Variants in DOCK9 observed in about 807,000 individuals in gnomAD.
DOCK9 encodes dedicator of cytokinesis 9.
A neutral mutation model predicts 263.3 loss-of-function variants in DOCK9; 89 were observed. That is an observed-to-expected ratio of 0.34 (90% CI 0.28 to 0.40). The LOEUF (loss-of-function observed/expected upper bound fraction) is 0.40. DOCK9 is among the 10% of genes least tolerant of loss of function. The pLI is 1.00. For missense variants in DOCK9, 2,140 were observed against 2,603.4 expected (o/e 0.82, Z 3.87); for synonymous variants, 976 against 973.1 (o/e 1.00, Z -0.06).
intron 15 of DOCK9, among the ~76,000 whole-genome samples, chr13:98,895,467 T>C (rs533980352): frequency 6.6e-6 from 1 of 152,098 alleles, no homozygotes; most frequent in South Asian, 2.1e-4. Context: ...CAGTTTGAGA[T>C]CAGCCTGGCC....
At chr13:99,014,991 C>T (rs1427225488) in intron 1 of DOCK9, among the ~76,000 whole-genome samples, 4 of 152,068 alleles carry the variant, frequency 2.6e-5, no homozygotes, top group African/African-American at 9.7e-5. Context: ...CTTTCATGCT[C>T]CCTTTAAATT....
chr13:98,860,646 A>T, intron 32 of DOCK9, 124 bp from the exon 33 acceptor site: 6 of 608,644 alleles, frequency 9.9e-6, no homozygotes, highest in Non-Finnish European at 1.4e-5. Context: ...GCCTGCCTGC[A>T]TGGGAGGAGT....
Position 98,845,909 on chromosome 13 carries a change from T to C in DOCK9, c.4198+15A>G, listed in dbSNP as rs1394827165. The C allele has an allele frequency of 1.2e-6, 2 of 1,612,540 alleles. No individual in the cohort carries two copies. The highest frequency in any genetic ancestry group is 1.7e-5 in the Admixed American group (1 of 59,896). ...GAGATGGCTGGCTGTTACGATGGCA[T>C]GTCATGGGACTTACTGTGGTTAAAA... On this transcript the variant is annotated intron_variant, in intron 38 of 52. Transcript: ENST00000682017.
rs1427964531 is a variant in DOCK9, at chr13:98,831,961, T to C, written c.4315-175A>G. On this transcript the variant is annotated intron_variant, in intron 39 of 52. Coordinates refer to ENST00000682017, the MANE Select transcript of DOCK9 (RefSeq NM_001366683.2). ...AATTCTTTTGTAGAACAAGCAAATCTATCAATACATTTATGTTTTGGGGAT... is the reference window on the plus strand; with the variant it reads ...AATTCTTTTGTAGAACAAGCAAATCCATCAATACATTTATGTTTTGGGGAT... The C allele has an allele frequency of 6.9e-6, 5 of 727,510 alleles. No individual in the cohort carries two copies. The Admixed American group carries it at 9.1e-5, about 13-fold the overall frequency. The allele number at this position is 727,510 out of a possible 1,614,324, so 45.1% of individuals were successfully genotyped here. A position where few individuals can be genotyped will look rare whatever the true frequency, so the allele number is the denominator to read the frequency against.
rs1283784134 is a variant in DOCK9 at position 98,800,300 on chromosome 13, G to A, written c.5904C>T (p.Ser1968=). ...MIKLQLKLQG[S]VSVQVNAGPL... ...GTGCCTGGCTCACCTGAACACTCAC[G>A]CTGCCCTGGAGTTTGAGCTGCAGTT... The change falls in exon 50 of 53, where the codon AGC becomes AGT. Residue 1968 remains serine, a synonymous_variant. Transcript: ENST00000682017. 13 of 1,602,896 alleles carry A rather than the reference G, an allele frequency of 8.1e-6. No individual in the cohort carries two copies. Among genetic ancestry groups the A allele is most frequent in the Admixed American group, 3.4e-5 (2 of 58,286 alleles).
intron 35 of DOCK9, among the ~76,000 whole-genome samples, chr13:98,851,230 T>A (rs2093559766): frequency 6.6e-6 from 1 of 152,246 alleles, no homozygotes; most frequent in Non-Finnish European, 1.5e-5. Context: ...TTCTCCCATT[T>A]ACCAGTCTGA....
intron 2 of DOCK9, among the ~76,000 whole-genome samples, chr13:98,935,205 CAT>C (rs1025545273): frequency 4.5e-4 from 68 of 152,172 alleles, no homozygotes; most frequent in Admixed American, 4.0e-3. Flanking sequence ...TGAAGAGAAA[CAT>C]GGAGATAAAC....
At position 99,024,669 on chromosome 13, in the gene DOCK9, C is replaced by T. The variant is rs189429747; in HGVS notation, c.129+61554G>A. On this transcript the variant is annotated intron_variant, in intron 1 of 32. Coordinates refer to the DOCK9 transcript ENST00000427887. ...AACATGAAGAAATATTCCTTGAGGG[C>T]GAAGAGGAAAACATAAAACACACAT... Among the ~76,000 whole-genome samples the T allele has an allele frequency of 1.8e-3, 279 of 152,090 alleles. 5 individuals carry two copies. The highest frequency in any genetic ancestry group is 6.8e-3 in the Middle Eastern group (2 of 294).
At chr13:99,034,383 G>A (rs1595951216) in intron 1 of DOCK9, among the ~76,000 whole-genome samples, 1 of 147,482 alleles carries the variant, frequency 6.8e-6, no homozygotes. Context: ...TTGATATACT[G>A]TGTTTACTAA....
rs1198056545 is a variant in DOCK9 at position 98,860,522 on chromosome 13, T to A, written c.3580A>T (p.Thr1194Ser). 3.4e-5 allele frequency: 53 copies of A among 1,561,706 alleles called. No homozygotes were observed. Among genetic ancestry groups the A allele is most frequent in the Non-Finnish European group, 4.4e-5 (51 of 1,151,964 alleles). Residue 1194 changes from threonine to serine, a missense_variant and splice_region_variant, in exon 33 of 53, where the codon ACT becomes TCT. This residue lies in a region of DOCK9 where 1,521 missense variants were observed against 1,741.7 expected (regional missense o/e 0.87). Coordinates refer to ENST00000682017, the MANE Select transcript of DOCK9 (RefSeq NM_001366683.2). ...VSPFPVNAGMTVKDESLALPA... is the reference protein window; with the variant it reads ...VSPFPVNAGMSVKDESLALPA... Reference sequence around the variant, plus strand: ...AGAGCCAGGGATTCATCCTTCACAGTCTGTCAAGGAGAGGAAAGCAGAAAC... The same window carrying A: ...AGAGCCAGGGATTCATCCTTCACAGACTGTCAAGGAGAGGAAAGCAGAAAC...
chr13:98,912,282 C>T (rs1441449328), intron 9 of DOCK9, among the ~76,000 whole-genome samples: 3 of 152,148 alleles, frequency 2.0e-5, no homozygotes, highest in Non-Finnish European at 4.4e-5. Context: ...AACTAATCTA[C>T]GGTGATGGAG....
Position 98,863,079 on chromosome 13 carries a change from A to G in DOCK9, c.3519T>C (p.Ile1173=), listed in dbSNP as rs1455867560. Residue 1173 remains isoleucine, a synonymous_variant, in exon 32 of 53, where the codon ATT becomes ATC. Transcript: ENST00000682017. The part of the protein sequence containing the change: ...TLYLPLFGLL[I]ENVQRINVRD... ...TCACATTGATCCGCTGGACGTTTTC[A>G]ATCAGCAGACCAAACAGAGGCAGGT... is the stretch of plus-strand genomic sequence containing the variant. The G allele has an allele frequency of 1.5e-5, 24 of 1,612,002 alleles. No homozygotes were observed. The highest frequency in any genetic ancestry group is 2.0e-5 in the Non-Finnish European group (24 of 1,179,220).
At chr13:98,889,633 C>G (rs2046315371) in intron 15 of DOCK9, among the ~76,000 whole-genome samples, 1 of 152,230 alleles carries the variant, frequency 6.6e-6, no homozygotes, top group Non-Finnish European at 1.5e-5. Context: ...CTAGTCTGCT[C>G]TTGCTCATAG....
Position 98,797,229 on chromosome 13 carries a change from T to G in DOCK9, c.6042A>C (p.Gln2014His). Residue 2014 changes from glutamine (Q) to histidine (H), a missense_variant, in exon 52 of 53, where the codon CAA becomes CAC. Gln to His is a conservative substitution (Grantham distance 24, BLOSUM62 0). Coordinates refer to ENST00000682017, the MANE Select transcript of DOCK9 (RefSeq NM_001366683.2). ...VFRQFVEACG[Q>H]ALAVNERLIK... Reference sequence around the variant, plus strand: ...TCAGACGTTCGTTTACCGCTAAGGCTTGACCGCAAGCTTCCACAAATTGCC... The same window carrying G: ...TCAGACGTTCGTTTACCGCTAAGGCGTGACCGCAAGCTTCCACAAATTGCC... 6.2e-7 allele frequency: 1 copy of G among 1,613,996 alleles called. No homozygotes were observed. The highest frequency in any genetic ancestry group is 8.5e-7 in the Non-Finnish European group (1 of 1,179,886).
intron 1 of DOCK9, among the ~76,000 whole-genome samples, chr13:99,041,483 A>C (rs1180610144): frequency 6.6e-6 from 1 of 151,396 alleles, no homozygotes; most frequent in Non-Finnish European, 1.5e-5. Context: ...ACTGTCTCAA[A>C]AAAAAAAAAA....
chr13:98,888,408 G>A lies in DOCK9; in HGVS notation c.1929C>T (p.Tyr643=), dbSNP rs765199793. ...QPYTIYTNHL[Y]VYPKYLKYDS... ...CGTATTTCAAGTACTTAGGATAAACGTAAAGGTGATTGGTGTAGATGGTGT... is the reference window on the plus strand; with the variant it reads ...CGTATTTCAAGTACTTAGGATAAACATAAAGGTGATTGGTGTAGATGGTGT... The change falls in exon 17 of 53, where the codon TAC becomes TAT. Residue 643 remains tyrosine (Y), a synonymous_variant. Transcript: ENST00000682017. 1.4e-5 allele frequency: 22 copies of A among 1,613,852 alleles called. No individual in the cohort carries two copies. The highest frequency in any genetic ancestry group is 1.7e-5 in the Non-Finnish European group (20 of 1,179,872).
chr13:98,986,093 TA>T (rs1312386693), intron 1 of DOCK9, among the ~76,000 whole-genome samples: 4 of 152,256 alleles, frequency 2.6e-5, no homozygotes, highest in Non-Finnish European at 4.4e-5. Context: ...CATTCAAGTA[TA>T]ACTAAAAGAC....
chr13:98,806,003 G>A (rs1281610485), intron 48 of DOCK9, among the ~76,000 whole-genome samples: 4 of 152,110 alleles, frequency 2.6e-5, no homozygotes, highest in Non-Finnish European at 4.4e-5. Context: ...CAGGTGATCC[G>A]CCCGCCTTGG....
intron 46 of DOCK9, 61 bp downstream of exon 46, chr13:98,810,108 T>G (rs2091163028): frequency 6.2e-7 from 1 of 1,606,538 alleles, no homozygotes. Context: ...TATGCAGGTC[T>G]GGGTATATGT....
Sources: gnomAD v4.1 joint callset for allele counts (sites outside exome capture counted in the v4.1 genomes callset) on GRCh38, gnomAD v4.1.1 for gene constraint, gnomAD v4.1.1 regional missense constraint, MANE v1.5 for transcripts, NCBI Gene and HGNC (gene_info 2026-07-23, HGNC 2026-07-21) for gene names.